FAM184A: variants seen among roughly 807,000 people sequenced by gnomAD.
FAM184A encodes protein FAM184A.
Under a neutral mutation model 143.8 loss-of-function variants are expected in FAM184A, and 99 were observed. The ratio of observed to expected loss-of-function variants is 0.69; its 90% CI spans 0.58 to 0.81. The LOEUF (loss-of-function observed/expected upper bound fraction) is 0.81, where lower values mean the gene tolerates loss of function less well. FAM184A is among the 40% of genes least tolerant of loss of function. The probability of loss-of-function intolerance (pLI) is 0.00; values close to 1 mark genes in which losing one functional copy is unlikely to be tolerated. For missense variants in FAM184A, 1,217 were observed against 1,310.5 expected (o/e 0.93, Z 1.10); for synonymous variants, 427 against 446.4 (o/e 0.96, Z 0.55).
At chr6:119,089,906 T>G (rs183385141) in intron 1 of FAM184A, among the ~76,000 whole-genome samples, 115 of 152,346 alleles carry the variant, frequency 7.5e-4, no homozygotes, top group Non-Finnish European at 1.4e-3. Flanking sequence ...TATCATCAAC[T>G]GATAATGATA....
rs1391723674 is a variant in FAM184A, at chr6:119,115,969, A to AC, written c.-202+33108_-202+33109insG. ...GGGTGACAGAGAAAGACTCCGTCTC[A>AC]AACACACACACACACACACACACAC... On this transcript the variant is annotated intron_variant, in intron 1 of 16. Transcript: ENST00000352896. 1.0e-4 allele frequency among the ~76,000 whole-genome samples: 14 copies of AC among 138,506 alleles called. 1 individual carries two copies. The highest frequency in any genetic ancestry group is 3.5e-4 in the African/African-American group (12 of 34,540). 90.9% of individuals were successfully genotyped at this position (138,506 alleles called of 152,430 possible). A position where few individuals can be genotyped will look rare whatever the true frequency, so the allele number is the denominator to read the frequency against.
intron 14 of FAM184A, 151 bp downstream of exon 14, chr6:118,974,277 G>C: frequency 1.7e-6 from 1 of 589,514 alleles, no homozygotes. Flanking sequence ...AGAACATATA[G>C]CACTGCAATT....
chr6:119,026,092 G>A (rs559242853), intron 1 of FAM184A, among the ~76,000 whole-genome samples: 10 of 152,194 alleles, frequency 6.6e-5, no homozygotes, highest in Non-Finnish European at 1.3e-4. Context: ...ATAGGGCTTT[G>A]TCTTCCAGAT....
At chr6:119,026,190 C>T (rs530957132) in intron 1 of FAM184A, among the ~76,000 whole-genome samples, 37 of 152,308 alleles carry the variant, frequency 2.4e-4, no homozygotes, top group African/African-American at 8.4e-4. Flanking sequence ...TCTGTCTTGC[C>T]ATGCTATCCC....
At chr6:119,081,330 C>G (rs1365918952), upstream of FAM184A, among the ~76,000 whole-genome samples, 1 of 152,182 alleles carries the variant, frequency 6.6e-6, no homozygotes, top group Admixed American at 6.5e-5. Context: ...CCCTTGTCCC[C>G]TTCGCAGGGC....
intron 1 of FAM184A, among the ~76,000 whole-genome samples, chr6:119,128,291 C>T (rs1438492690): frequency 6.6e-6 from 1 of 152,134 alleles, no homozygotes; most frequent in African/African-American, 2.4e-5. Flanking sequence ...CAAAGACCAT[C>T]TTAAATTTTA....
intron 1 of FAM184A, among the ~76,000 whole-genome samples, chr6:119,111,372 G>T (rs760323418): frequency 4.6e-5 from 7 of 152,146 alleles, no homozygotes; most frequent in Non-Finnish European, 1.0e-4. Context: ...AAGAGGGAAC[G>T]GAGAGTCAGA....
At chr6:119,010,244 C>T (rs1026662894) in intron 6 of FAM184A, among the ~76,000 whole-genome samples, 9 of 152,250 alleles carry the variant, frequency 5.9e-5, no homozygotes, top group African/African-American at 1.7e-4. Context: ...AGGTTAAATA[C>T]ACAAAAAAAT....
chr6:119,104,223 C>T (rs975457403), intron 1 of FAM184A, among the ~76,000 whole-genome samples: 1 of 152,050 alleles, frequency 6.6e-6, no homozygotes, highest in Non-Finnish European at 1.5e-5. Flanking sequence ...GCCAGGCTGG[C>T]CTCAAACCCC....
chr6:119,103,296 G>A (rs947059561), intron 1 of FAM184A, among the ~76,000 whole-genome samples: 4 of 152,192 alleles, frequency 2.6e-5, no homozygotes, highest in African/African-American at 7.2e-5. Context: ...TGACATTGAT[G>A]AGTAGCTACA....
intron 9 of FAM184A, among the ~76,000 whole-genome samples, chr6:118,983,264 A>G (rs1376265064): frequency 6.6e-6 from 1 of 152,222 alleles, no homozygotes; most frequent in Non-Finnish European, 1.5e-5. Context: ...ATGGCACTTT[A>G]AAAGACAATG....
At chr6:119,020,559 C>T (rs1582514137) in intron 3 of FAM184A, among the ~76,000 whole-genome samples, 3 of 152,124 alleles carry the variant, frequency 2.0e-5, no homozygotes, top group Admixed American at 1.3e-4. Context: ...GACACTGTGG[C>T]GCCAAAATGA....
intron 1 of FAM184A, among the ~76,000 whole-genome samples, chr6:119,094,907 C>A (rs1406032273): frequency 2.0e-5 from 3 of 152,128 alleles, no homozygotes; most frequent in African/African-American, 7.2e-5. Flanking sequence ...AACAATTTAT[C>A]CCCTGGCACC....
rs748390923 is a variant in FAM184A at position 118,960,220 on chromosome 6, T to C, written c.3342-36A>G. 9 of 1,576,142 alleles carry C rather than the reference T, an allele frequency of 5.7e-6. No homozygotes were observed. In the Admixed American group the frequency reaches 1.6e-4, roughly 28 times the overall value. On this transcript the variant is annotated intron_variant, in intron 17 of 17. Transcript: ENST00000338891. ...AAAAAGAGAGACATGTAACCCAGCA[T>C]TAAGTCATTTTGCAAAATGAAGGCA...
chr6:119,020,494 G>C (rs1490186827), intron 3 of FAM184A, among the ~76,000 whole-genome samples: 1 of 152,030 alleles, frequency 6.6e-6, no homozygotes, highest in Non-Finnish European at 1.5e-5. Flanking sequence ...TCCTCAGTAG[G>C]CTTCATAAGA....
At chr6:119,142,386 CA>C (rs1453980220) in intron 1 of FAM184A, among the ~76,000 whole-genome samples, 2 of 152,088 alleles carry the variant, frequency 1.3e-5, no homozygotes, top group African/African-American at 4.8e-5. Context: ...CTTCAGAGAC[CA>C]AAGGCCACAA....
intron 2 of FAM184A, among the ~76,000 whole-genome samples, chr6:119,023,415 AGAAAGCAAGCAATTTCTT>A (rs749211774): frequency 3.3e-5 from 5 of 152,156 alleles, no homozygotes; most frequent in African/African-American, 4.8e-5. Flanking sequence ...ATTCAGGTTT[AGAAAGCAAGCAATTTCTT>A]GATCAAATTC....
chr6:119,002,538 C>A (rs972438671), intron 9 of FAM184A, among the ~76,000 whole-genome samples: 1 of 152,056 alleles, frequency 6.6e-6, no homozygotes. Context: ...AATCATGATA[C>A]ATATAATAAA....
At chr6:118,984,696 C>T (rs966321062) in intron 9 of FAM184A, among the ~76,000 whole-genome samples, 1 of 152,158 alleles carries the variant, frequency 6.6e-6, no homozygotes, top group African/African-American at 2.4e-5. Context: ...AGCCTTGTTA[C>T]AAAAGTGAAA....
Sources: allele counts gnomAD v4.1 joint callset (sites outside exome capture counted in the v4.1 genomes callset), GRCh38; gene constraint gnomAD v4.1.1; transcripts MANE v1.5; gene names NCBI Gene and HGNC (gene_info 2026-07-23, HGNC 2026-07-21).